The following IGF2BP2 variants were observed in gnomAD, a reference collection of about 807,000 sequenced individuals.
IGF2BP2 encodes insulin-like growth factor 2 mRNA-binding protein 2.
IGF2BP2 carries 17 observed loss-of-function variants against 75.8 expected under a neutral mutation model. The ratio of observed to expected loss-of-function variants is 0.22; its 90% CI spans 0.15 to 0.34. The LOEUF (loss-of-function observed/expected upper bound fraction) is 0.34. Among genes scored for constraint, IGF2BP2 ranks in the 10% least tolerant of loss-of-function variants. The pLI is 1.00. For missense variants in IGF2BP2, 516 were observed against 772.4 expected (o/e 0.67, Z 3.93); for synonymous variants, 288 against 295.6 (o/e 0.97, Z 0.26).
chr3:185,648,227 C>T (rs925815376), intron 14 of IGF2BP2, among the ~76,000 whole-genome samples: 4 of 152,196 alleles, frequency 2.6e-5, no homozygotes, highest in Admixed American at 1.3e-4. Context: ...GAGGCCGAGG[C>T]GGGCGGATCA....
At chr3:185,681,081 G>GTCCTAGCCAGAGCAATTAGGTA (rs1486928921) in intron 7 of IGF2BP2, among the ~76,000 whole-genome samples, 1 of 152,160 alleles carries the variant, frequency 6.6e-6, no homozygotes, top group Non-Finnish European at 1.5e-5. Flanking sequence ...AGTACTGGAA[G>GTCCTAGCCAGAGCAATTAGGTA]TCCTAGCCAG....
At chr3:185,799,510 A>T (rs1346680523) in intron 2 of IGF2BP2, among the ~76,000 whole-genome samples, 1 of 152,200 alleles carries the variant, frequency 6.6e-6, no homozygotes, top group Non-Finnish European at 1.5e-5. Context: ...GCACTTTGGG[A>T]GGCCGAGGCG....
chr3:185,709,879 C>G (rs1026846418), intron 2 of IGF2BP2, among the ~76,000 whole-genome samples: 6 of 152,164 alleles, frequency 3.9e-5, no homozygotes, highest in Admixed American at 1.3e-4. Flanking sequence ...AATTTTTCGA[C>G]TGGAGGTTAA....
chr3:185,728,572 A>C (rs1338714352), intron 2 of IGF2BP2: 2 of 152,242 alleles, frequency 1.3e-5, no homozygotes, highest in Non-Finnish European at 2.9e-5. Flanking sequence ...CCAATCACAA[A>C]ATCAAAAAAC....
chr3:185,662,867 A>T (rs1197085001), intron 10 of IGF2BP2, among the ~76,000 whole-genome samples: 1 of 151,882 alleles, frequency 6.6e-6, no homozygotes, highest in East Asian at 1.9e-4. Flanking sequence ...TTTAGTAGAG[A>T]CAGGGTTTCA....
Position 185,689,213 on chromosome 3 carries a change from G to C in IGF2BP2, c.677+142C>G, listed in dbSNP as rs1303822316. The stretch of plus-strand genomic sequence containing the variant: ...CCAGCTTGATGTTAGTCTGTTAGTA[G>C]TCCTGTTGAAAGAAGCCACTGTCTC... On this transcript the variant is annotated intron_variant, in intron 6 of 15. Coordinates refer to ENST00000382199, the MANE Select transcript of IGF2BP2 (RefSeq NM_006548.6). 2.2e-5 allele frequency: 18 copies of C among 802,394 alleles called. No homozygotes were observed. In the South Asian group the frequency reaches 2.6e-4, roughly 12 times the overall value. The allele number at this position is 802,394 out of a possible 1,614,324, so 49.7% of individuals were successfully genotyped here.
At chr3:185,672,401 G>A in intron 10 of IGF2BP2, 140 bp downstream of exon 10, 3 of 826,766 alleles carry the variant, frequency 3.6e-6, no homozygotes, top group African/African-American at 1.7e-5. Context: ...GAAATGTTGA[G>A]TTCAACCTAC....
intron 7 of IGF2BP2, among the ~76,000 whole-genome samples, chr3:185,684,246 C>T (rs1332631584): frequency 6.6e-6 from 1 of 152,112 alleles, no homozygotes; most frequent in African/African-American, 2.4e-5. Flanking sequence ...TCTCCTATAT[C>T]TTCTACCTCT....
chr3:185,678,611 G>A (rs899472918), intron 7 of IGF2BP2, among the ~76,000 whole-genome samples: 1 of 152,154 alleles, frequency 6.6e-6, no homozygotes, highest in Non-Finnish European at 1.5e-5. Flanking sequence ...CGTATATTCT[G>A]CCATTGTTGG....
chr3:185,735,147 CTT>C (rs11314977), intron 2 of IGF2BP2, among the ~76,000 whole-genome samples: 149 of 136,886 alleles, frequency 1.1e-3, no homozygotes, highest in Admixed American at 1.9e-3. Context: ...CATTTAAATC[CTT>C]TTTTTTTTTT....
intron 2 of IGF2BP2, among the ~76,000 whole-genome samples, chr3:185,763,415 G>T (rs1008133740): frequency 6.6e-6 from 1 of 152,100 alleles, no homozygotes; most frequent in African/African-American, 2.4e-5. Flanking sequence ...TGCGACTTAA[G>T]CATTTATGGA....
intron 2 of IGF2BP2, among the ~76,000 whole-genome samples, chr3:185,820,233 C>CAT (rs1282346742): frequency 6.3e-4 from 35 of 55,252 alleles, no homozygotes; most frequent in African/African-American, 5.7e-3. Context: ...TATATATACA[C>CAT]ATACACACAC....
intron 2 of IGF2BP2, among the ~76,000 whole-genome samples, chr3:185,822,440 A>C (rs1741484169): frequency 6.6e-6 from 1 of 152,244 alleles, no homozygotes; most frequent in Non-Finnish European, 1.5e-5. Context: ...CATGTTAGCA[A>C]ATCACTGTGG....
chr3:185,820,592 G>A (rs779807991), intron 2 of IGF2BP2, among the ~76,000 whole-genome samples: 53 of 152,012 alleles, frequency 3.5e-4, no homozygotes, highest in Non-Finnish European at 6.5e-4. Flanking sequence ...AGAAAATAAT[G>A]GCATCTAGTC....
At chr3:185,764,336 G>A (rs1362505942) in intron 2 of IGF2BP2, among the ~76,000 whole-genome samples, 4 of 152,110 alleles carry the variant, frequency 2.6e-5, no homozygotes, top group African/African-American at 9.7e-5. Flanking sequence ...GCTTTAGGAG[G>A]CTGGGTTATG....
intron 2 of IGF2BP2, among the ~76,000 whole-genome samples, chr3:185,813,691 G>A (rs372583713): frequency 2.6e-5 from 4 of 152,072 alleles, no homozygotes; most frequent in East Asian, 1.9e-4. Flanking sequence ...TACAACCATC[G>A]AAGCTCATGT....
chr3:185,722,786 A>G (rs1415327492), intron 2 of IGF2BP2, among the ~76,000 whole-genome samples: 1 of 152,238 alleles, frequency 6.6e-6, no homozygotes, highest in African/African-American at 2.4e-5. Flanking sequence ...ATAATTATAT[A>G]AACAAATACA....
At chr3:185,649,257 A>G in intron 14 of IGF2BP2, 146 bp downstream of exon 14, 1 of 1,075,744 alleles carries the variant, frequency 9.3e-7, no homozygotes. Flanking sequence ...CAAAGGGCTC[A>G]GATGCCAGGA....
intron 2 of IGF2BP2, among the ~76,000 whole-genome samples, chr3:185,714,155 A>C (rs1234096726): frequency 6.6e-6 from 1 of 151,972 alleles, no homozygotes; most frequent in Non-Finnish European, 1.5e-5. Flanking sequence ...ATATATGAAT[A>C]CATTCCTTTT....
Sources: allele counts gnomAD v4.1 joint callset (sites outside exome capture counted in the v4.1 genomes callset), GRCh38; gene constraint gnomAD v4.1.1; transcripts MANE v1.5; gene names NCBI Gene and HGNC (gene_info 2026-07-23, HGNC 2026-07-21).